The following ASRGL1 variants were observed in gnomAD, a reference collection of about 807,000 sequenced individuals.
ASRGL1 encodes asparaginase and isoaspartyl peptidase 1.
Under a neutral mutation model 22.4 loss-of-function variants are expected in ASRGL1, and 16 were observed. The observed-to-expected ratio is 0.71, with a 90% CI of 0.48 to 1.08. The LOEUF is 1.08. ASRGL1 is among the 50% of genes least tolerant of loss of function. The pLI, the probability that ASRGL1 is intolerant of heterozygous loss-of-function variation, is 0.00. For missense variants in ASRGL1, 412 were observed against 410.1 expected (o/e 1.00, Z -0.04); for synonymous variants, 165 against 159.3 (o/e 1.04, Z -0.27).
intron 2 of ASRGL1, among the ~76,000 whole-genome samples, chr11:62,347,553 A>G (rs1459349619): frequency 6.6e-6 from 1 of 152,212 alleles, no homozygotes; most frequent in East Asian, 1.9e-4. Flanking sequence ...GTGTCAGGAA[A>G]CAGGAAGACC....
downstream of ASRGL1, among the ~76,000 whole-genome samples, chr11:62,397,682 A>C (rs79657755): frequency 2.6e-5 from 2 of 75,820 alleles, no homozygotes. Flanking sequence ...AAAAAAAAAA[A>C]CCACGGGAAA....
chr11:62,363,059 G>A (rs1040113318), intron 4 of ASRGL1, among the ~76,000 whole-genome samples: 5 of 148,744 alleles, frequency 3.4e-5, no homozygotes, highest in South Asian at 4.3e-4. Context: ...TCAGCCTCCC[G>A]AGTAGCTGGG....
the ASRGL1 span, among the ~76,000 whole-genome samples, chr11:62,400,777 C>T: frequency 6.6e-6 from 1 of 152,152 alleles, no homozygotes; most frequent in Non-Finnish European, 1.5e-5. Flanking sequence ...TCTGCTTGAT[C>T]CCAGGCCCAG....
chr11:62,344,778 T>C (rs974973115), intron 2 of ASRGL1, among the ~76,000 whole-genome samples: 1 of 152,220 alleles, frequency 6.6e-6, no homozygotes, highest in Non-Finnish European at 1.5e-5. Context: ...ATAGCTAAAT[T>C]ATCGACTATA....
At chr11:62,384,518 A>G (rs1947156641) in intron 4 of ASRGL1, among the ~76,000 whole-genome samples, 1 of 152,162 alleles carries the variant, frequency 6.6e-6, no homozygotes, top group Non-Finnish European at 1.5e-5. Flanking sequence ...AAATTTAAAA[A>G]GTAGATTTTA....
In ASRGL1 at chr11:62,362,728, TAA is replaced by T. The variant is rs1401188505; in HGVS notation, c.491+5587_491+5588del. ...TATAAAATATATTATATGTTATATA[TAA>T]AATATAATATATATTATATATATAA... On this transcript the variant is annotated intron_variant, in intron 4 of 6. Transcript: ENST00000415229. Among the ~76,000 whole-genome samples, 69 of 82,034 alleles carry T rather than the reference TAA, an allele frequency of 8.4e-4. 2 individuals carry two copies. The highest frequency in any genetic ancestry group is 2.8e-3 in the African/African-American group (66 of 23,692). 53.8% of individuals were successfully genotyped at this position (82,034 alleles called of 152,430 possible). A position where few individuals can be genotyped will look rare whatever the true frequency, so the allele number is the denominator to read the frequency against.
intron 4 of ASRGL1, among the ~76,000 whole-genome samples, chr11:62,381,098 C>T (rs1472826670): frequency 6.6e-6 from 1 of 152,090 alleles, no homozygotes; most frequent in Non-Finnish European, 1.5e-5. Flanking sequence ...GTCTTATTTT[C>T]TACCGGCTGA....
intron 4 of ASRGL1, among the ~76,000 whole-genome samples, chr11:62,364,703 A>G (rs1428283810): frequency 5.9e-5 from 9 of 152,222 alleles, no homozygotes; most frequent in African/African-American, 2.2e-4. Context: ...GCAACTTGAT[A>G]CTAAGTGAAA....
intron 2 of ASRGL1, among the ~76,000 whole-genome samples, chr11:62,347,038 C>T (rs1946043515): frequency 6.6e-6 from 1 of 152,158 alleles, no homozygotes; most frequent in African/African-American, 2.4e-5. Flanking sequence ...CATCTATAGC[C>T]AGATGCACTT....
rs1297024852 is a variant in ASRGL1, at chr11:62,357,463, T to C, written c.491+319T>C. Among the ~76,000 whole-genome samples, 5 of 147,486 alleles carry C rather than the reference T, an allele frequency of 3.4e-5. No homozygotes were observed. In the East Asian group the frequency reaches 1.0e-3, roughly 30 times the overall value. The stretch of plus-strand genomic sequence containing the variant: ...TTTTAGTAGAGGCGGGGTTTCGCCG[T>C]GTTGGCCAGGCTGGTCTCAAACTCC... On this transcript the variant is annotated intron_variant, in intron 4 of 6. Coordinates refer to ENST00000415229, the MANE Select transcript of ASRGL1 (RefSeq NM_001083926.2).
In ASRGL1 at chr11:62,342,078, C is replaced by T. The variant is rs529546980; in HGVS notation, c.190+3911C>T. 2.6e-5 allele frequency among the ~76,000 whole-genome samples: 4 copies of T among 152,300 alleles called. No individual in the cohort carries two copies. The East Asian group carries it at 7.7e-4, about 29-fold the overall frequency. ...AGACAGGGTTATTTATAACCTGACG[C>T]ATTTACCCTACTGCTGTGTCCGGTT... On this transcript the variant is annotated intron_variant, in intron 2 of 6. Transcript: ENST00000415229.
intron 2 of ASRGL1, among the ~76,000 whole-genome samples, chr11:62,342,277 A>G (rs1407466397): frequency 6.6e-6 from 1 of 152,244 alleles, no homozygotes; most frequent in Non-Finnish European, 1.5e-5. Flanking sequence ...GCTGTGACCT[A>G]ATGCTTGCTT....
intron 4 of ASRGL1, chr11:62,373,241 C>T (rs537166832): frequency 1.6e-5 from 13 of 796,258 alleles, no homozygotes; most frequent in South Asian, 5.8e-5. Flanking sequence ...TGCACTGGGA[C>T]GGGAAGTCAA....
At chr11:62,393,859 G>A (rs1425835365), downstream of ASRGL1, among the ~76,000 whole-genome samples, 10 of 151,606 alleles carry the variant, frequency 6.6e-5, no homozygotes, top group South Asian at 4.2e-4. Flanking sequence ...GGTGTCTCCC[G>A]AGGCCTCTCT....
At chr11:62,358,256 G>A (rs1946349878) in intron 4 of ASRGL1, among the ~76,000 whole-genome samples, 2 of 151,508 alleles carry the variant, frequency 1.3e-5, no homozygotes, top group Non-Finnish European at 2.9e-5. Flanking sequence ...TGTAATCCCA[G>A]CTACTCGGGA....
chr11:62,390,426 T>C (rs576378782), intron 5 of ASRGL1, among the ~76,000 whole-genome samples: 1 of 152,184 alleles, frequency 6.6e-6, no homozygotes, highest in Non-Finnish European at 1.5e-5. Flanking sequence ...CCTCAGGCAA[T>C]GCACTTGTCC....
At chr11:62,389,777 T>C (rs1419424200) in intron 5 of ASRGL1, 1 of 232,384 alleles carries the variant, frequency 4.3e-6, no homozygotes, top group African/African-American at 2.3e-5. Context: ...GAGGCAGGGC[T>C]GGGGGGCTGT....
In ASRGL1 at chr11:62,373,125, G is replaced by A. The variant is rs1726043897; in HGVS notation, c.491+15981G>A. 3.4e-6 allele frequency: 5 copies of A among 1,461,338 alleles called. No individual in the cohort carries two copies. In the Admixed American group the frequency reaches 8.4e-5, roughly 25 times the overall value. The allele number at this position is 1,461,338 out of a possible 1,614,324, so 90.5% of individuals were successfully genotyped here. ...GATAGCAAGAGATGAAAGTGAAACT[G>A]AGAAAGAAAAGATCAAGAAACTGCC... On this transcript the variant is annotated intron_variant, in intron 4 of 6. Transcript: ENST00000415229.
intron 4 of ASRGL1, among the ~76,000 whole-genome samples, chr11:62,384,489 G>A (rs559180079): frequency 2.8e-4 from 42 of 152,128 alleles, no homozygotes; most frequent in Admixed American, 2.6e-3. Flanking sequence ...GGGCAAAAGA[G>A]CAAGACTCCA....
Sources: gnomAD v4.1 joint callset for allele counts (sites outside exome capture counted in the v4.1 genomes callset) on GRCh38, gnomAD v4.1.1 for gene constraint, MANE v1.5 for transcripts, NCBI Gene and HGNC (gene_info 2026-07-23, HGNC 2026-07-21) for gene names.